ARHGAP42: variants seen among roughly 807,000 people sequenced by gnomAD.
The protein encoded by ARHGAP42 is Rho GTPase activating protein 42.
In ARHGAP42, 63 loss-of-function variants were observed where a neutral mutation model predicts 125.0. The ratio of observed to expected loss-of-function variants is 0.50; its 90% CI spans 0.41 to 0.62. The LOEUF (loss-of-function observed/expected upper bound fraction) is 0.62. Among genes scored for constraint, ARHGAP42 ranks in the 20% least tolerant of loss-of-function variants. The pLI is 0.00. For synonymous variants in ARHGAP42, 339 were observed against 351.0 expected (o/e 0.97, Z 0.38); for missense variants, 766 against 1,024.2 (o/e 0.75, Z 3.44).
At chr11:100,768,578 A>T (rs1294567425) in intron 1 of ARHGAP42, among the ~76,000 whole-genome samples, 1 of 152,162 alleles carries the variant, frequency 6.6e-6, no homozygotes. Context: ...CAGCTATTAG[A>T]CTTGAACCCA....
chr11:100,694,609 T>C lies in ARHGAP42; in HGVS notation c.154+6777T>C, dbSNP rs530223600. On this transcript the variant is annotated intron_variant, in intron 1 of 23. Coordinates refer to ENST00000298815, the MANE Select transcript of ARHGAP42 (RefSeq NM_152432.4). ...CAATTTCACCTTGCAGCTCTGCCAG[T>C]CTTCCTTTTCCTCTAGCCTGCTGAA... Among the ~76,000 whole-genome samples the C allele has an allele frequency of 1.2e-4, 19 of 152,316 alleles. No individual in the cohort carries two copies. In the East Asian group the frequency reaches 2.1e-3, roughly 17 times the overall value.
chr11:100,755,670 A>G (rs1862556322), intron 1 of ARHGAP42, among the ~76,000 whole-genome samples: 2 of 152,214 alleles, frequency 1.3e-5, no homozygotes, highest in African/African-American at 2.4e-5. Flanking sequence ...ACCATCTGCC[A>G]AAAACAAACC....
intron 1 of ARHGAP42, among the ~76,000 whole-genome samples, chr11:100,719,627 C>T (rs576955234): frequency 3.4e-4 from 51 of 152,218 alleles, no homozygotes; most frequent in African/African-American, 8.4e-4. Flanking sequence ...GTGACCTCAC[C>T]CATATCTCTG....
At chr11:100,913,688 A>G (rs1243812913) in intron 5 of ARHGAP42, 135 bp downstream of exon 5, 2 of 364,086 alleles carry the variant, frequency 5.5e-6, no homozygotes, top group Non-Finnish European at 1.0e-5. Context: ...TTAATTGAGC[A>G]CTTACTATGG....
intron 17 of ARHGAP42, among the ~76,000 whole-genome samples, chr11:100,966,678 C>G (rs1299672321): frequency 6.6e-6 from 1 of 151,988 alleles, no homozygotes. Context: ...GGTATCATAG[C>G]CTAGCCAAGT....
intron 1 of ARHGAP42, among the ~76,000 whole-genome samples, chr11:100,745,981 G>C (rs766932342): frequency 6.6e-6 from 1 of 152,184 alleles, no homozygotes; most frequent in Non-Finnish European, 1.5e-5. Flanking sequence ...GGAATGGAAA[G>C]ACCCATAAGG....
chr11:100,908,288 C>T (rs528431555), intron 4 of ARHGAP42, among the ~76,000 whole-genome samples: 27 of 152,268 alleles, frequency 1.8e-4, no homozygotes, highest in African/African-American at 6.5e-4. Context: ...CAGTGGAAGA[C>T]ATTGAGTTGG....
chr11:100,791,080 G>A (rs1447361335), intron 2 of ARHGAP42, among the ~76,000 whole-genome samples: 1 of 152,130 alleles, frequency 6.6e-6, no homozygotes, highest in Non-Finnish European at 1.5e-5. Flanking sequence ...TAGTTATTTT[G>A]TGTATGCTTT....
chr11:100,873,508 A>G (rs1865743707), intron 4 of ARHGAP42, among the ~76,000 whole-genome samples: 1 of 152,214 alleles, frequency 6.6e-6, no homozygotes, highest in Admixed American at 6.5e-5. Context: ...ATGTGTATGT[A>G]AATGGAGGAT....
At chr11:100,910,263 C>T (rs978979627) in intron 4 of ARHGAP42, among the ~76,000 whole-genome samples, 1 of 152,194 alleles carries the variant, frequency 6.6e-6, no homozygotes, top group East Asian at 1.9e-4. Flanking sequence ...TAGTAAGTAA[C>T]GGCAGCAACT....
At chr11:100,722,217 T>A (rs4753984) in intron 1 of ARHGAP42, among the ~76,000 whole-genome samples, 87,749 of 151,850 alleles carry the variant, frequency 0.58, 26,090 homozygotes, top group African/African-American at 0.74. Context: ...ATCTTTACAT[T>A]CGCTGTTTTG....
At chr11:100,854,579 T>C (rs927744694) in intron 3 of ARHGAP42, among the ~76,000 whole-genome samples, 1 of 152,190 alleles carries the variant, frequency 6.6e-6, no homozygotes. Flanking sequence ...TGATTACTTA[T>C]TAATGCAAGA....
chr11:100,855,644 T>G (rs1865306294), intron 3 of ARHGAP42, among the ~76,000 whole-genome samples: 1 of 152,092 alleles, frequency 6.6e-6, no homozygotes, highest in Admixed American at 6.6e-5. Context: ...TACTTTTGAA[T>G]GATTTATGTG....
chr11:100,871,097 A>G (rs1211071352), intron 4 of ARHGAP42, among the ~76,000 whole-genome samples: 1 of 152,212 alleles, frequency 6.6e-6, no homozygotes, highest in Non-Finnish European at 1.5e-5. Flanking sequence ...TGTCACCAAC[A>G]TTCTATATGT....
rs538674920 is a variant in ARHGAP42 at position 100,867,437 on chromosome 11, G to A, written c.384+7812G>A. ...CAGCATTTGCTGCTTCACCTGAGAC[G>A]TATATGTTAGGATGTGGCTACTTTT... On this transcript the variant is annotated intron_variant, in intron 4 of 23. Transcript: ENST00000298815. 3.2e-4 allele frequency among the ~76,000 whole-genome samples: 49 copies of A among 152,180 alleles called. 1 individual carries two copies. Among genetic ancestry groups the A allele is most frequent in the Non-Finnish European group, 5.9e-4 (40 of 68,034 alleles).
intron 4 of ARHGAP42, among the ~76,000 whole-genome samples, chr11:100,891,486 A>G (rs900455296): frequency 7.6e-6 from 1 of 130,768 alleles, no homozygotes; most frequent in Non-Finnish European, 1.6e-5. Flanking sequence ...TTTGCCACCC[A>G]GGCTGGAGTG....
At chr11:100,884,951 C>G (rs939509693) in intron 4 of ARHGAP42, among the ~76,000 whole-genome samples, 1 of 152,086 alleles carries the variant, frequency 6.6e-6, no homozygotes, top group Non-Finnish European at 1.5e-5. Flanking sequence ...CCCTCCTGAC[C>G]GTATGCCTGA....
chr11:100,711,048 G>A (rs1055255582), intron 1 of ARHGAP42, among the ~76,000 whole-genome samples: 3 of 152,162 alleles, frequency 2.0e-5, no homozygotes, highest in African/African-American at 4.8e-5. Context: ...TTTGTTTTAG[G>A]TAACTATTGA....
chr11:100,957,164 C>A (rs1483610734), intron 12 of ARHGAP42, among the ~76,000 whole-genome samples: 1 of 152,066 alleles, frequency 6.6e-6, no homozygotes, highest in Non-Finnish European at 1.5e-5. Flanking sequence ...GCACAGAGAT[C>A]AAAACCATGC....
Sources: gnomAD v4.1 joint callset for allele counts (sites outside exome capture counted in the v4.1 genomes callset) on GRCh38, gnomAD v4.1.1 for gene constraint, MANE v1.5 for transcripts, NCBI Gene and HGNC (gene_info 2026-07-23, HGNC 2026-07-21) for gene names.